The following GRID2 variants were observed in gnomAD, a reference collection of about 807,000 sequenced individuals.
GRID2 encodes the protein glutamate receptor ionotropic, delta-2.
GRID2 carries 33 observed loss-of-function variants against 114.8 expected under a neutral mutation model. That is an observed-to-expected ratio of 0.29 (90% CI 0.22 to 0.38). The LOEUF (loss-of-function observed/expected upper bound fraction) is 0.38. GRID2 is among the 10% of genes least tolerant of loss of function. The probability of loss-of-function intolerance (pLI) is 1.00; values close to 1 mark genes in which losing one functional copy is unlikely to be tolerated. For missense variants in GRID2, 1,184 were observed against 1,257.7 expected (o/e 0.94, Z 0.89); for synonymous variants, 505 against 449.9 (o/e 1.12, Z -1.55).
intron 12 of GRID2, among the ~76,000 whole-genome samples, chr4:93,505,611 A>G (rs1728553916): frequency 6.7e-6 from 1 of 148,716 alleles, no homozygotes; most frequent in African/African-American, 2.4e-5. Flanking sequence ...TATATATTTT[A>G]TTAGATATCA....
chr4:92,918,120 G>A (rs369954473), intron 2 of GRID2, among the ~76,000 whole-genome samples: 18 of 152,136 alleles, frequency 1.2e-4, no homozygotes, highest in African/African-American at 3.1e-4. Flanking sequence ...GCAATTGTGA[G>A]TGGGAGTTCA....
chr4:92,861,517 T>C (rs971415478), intron 2 of GRID2, among the ~76,000 whole-genome samples: 1 of 152,076 alleles, frequency 6.6e-6, no homozygotes, highest in African/African-American at 2.4e-5. Flanking sequence ...AGGTTAACCA[T>C]AGCTGTCACA....
At chr4:92,716,308 G>A (rs1735548674) in intron 2 of GRID2, among the ~76,000 whole-genome samples, 1 of 152,162 alleles carries the variant, frequency 6.6e-6, no homozygotes, top group African/African-American at 2.4e-5. Context: ...TTTCCTCAGT[G>A]AAAAGAACAA....
intron 2 of GRID2, among the ~76,000 whole-genome samples, chr4:92,655,431 G>C (rs990133610): frequency 1.3e-5 from 2 of 151,616 alleles, no homozygotes; most frequent in Non-Finnish European, 2.9e-5. Flanking sequence ...AATAACTTTT[G>C]TGTTTTGACA....
intron 3 of GRID2, among the ~76,000 whole-genome samples, chr4:93,090,347 C>A (rs1253741443): frequency 6.6e-6 from 1 of 152,136 alleles, no homozygotes; most frequent in Non-Finnish European, 1.5e-5. Context: ...CTGCATAAAC[C>A]TTTCCACTTG....
intron 2 of GRID2, among the ~76,000 whole-genome samples, chr4:92,680,077 G>C (rs1348683931): frequency 6.6e-6 from 1 of 151,994 alleles, no homozygotes; most frequent in Non-Finnish European, 1.5e-5. Flanking sequence ...AATGATAAGA[G>C]GTCAGGAAGA....
At chr4:93,036,440 T>C (rs1429863755) in intron 2 of GRID2, among the ~76,000 whole-genome samples, 1 of 152,118 alleles carries the variant, frequency 6.6e-6, no homozygotes, top group Non-Finnish European at 1.5e-5. Context: ...TAAACAAACT[T>C]AATCAGTTTA....
intron 2 of GRID2, among the ~76,000 whole-genome samples, chr4:92,838,194 T>C (rs2149406419): frequency 6.6e-6 from 1 of 152,102 alleles, no homozygotes; most frequent in East Asian, 1.9e-4. Context: ...CATTTATTTT[T>C]CTGTTAGATA....
chr4:93,177,264 T>C (rs6532387), intron 4 of GRID2, among the ~76,000 whole-genome samples: 23,351 of 152,014 alleles, frequency 0.15, 2,907 homozygotes, highest in African/African-American at 0.33. Flanking sequence ...AAAAAATATA[T>C]AGATTGAAGT....
rs1728639405 is a variant in GRID2, at chr4:92,590,149, C to T, written c.107C>T (p.Ser36Phe). The T allele has an allele frequency of 2.5e-6, 4 of 1,610,918 alleles. No individual in the cohort carries two copies. In the East Asian group the frequency reaches 8.9e-5, roughly 36 times the overall value. Residue 36 changes from serine to phenylalanine, a missense_variant, in exon 2 of 16, where the codon TCT becomes TTT. This residue lies in a region of GRID2 where 455 missense variants were observed against 429.5 expected (regional missense o/e 1.06). Coordinates refer to ENST00000282020, the MANE Select transcript of GRID2 (RefSeq NM_001510.4). Reference sequence around the variant, plus strand: ...TTTCTAGGAGCAATTTTTGATGAATCTGCCAAAAAGGATGATGAGGTATTT... The same window carrying T: ...TTTCTAGGAGCAATTTTTGATGAATTTGCCAAAAAGGATGATGAGGTATTT... Reference protein sequence around the residue: ...IIHIGAIFDESAKKDDEVFRT... With the variant: ...IIHIGAIFDEFAKKDDEVFRT...
chr4:93,506,802 T>G (rs1371570758), intron 12 of GRID2, among the ~76,000 whole-genome samples: 1 of 152,112 alleles, frequency 6.6e-6, no homozygotes, highest in Non-Finnish European at 1.5e-5. Flanking sequence ...CCTGGTATCA[T>G]TCTACCGTGC....
chr4:92,334,765 A>G (rs1357527008), intron 1 of GRID2, among the ~76,000 whole-genome samples: 2 of 152,202 alleles, frequency 1.3e-5, no homozygotes, highest in African/African-American at 2.4e-5. Flanking sequence ...CATTCAAATC[A>G]TAACAGTACT....
intron 1 of GRID2, among the ~76,000 whole-genome samples, chr4:92,567,217 G>A (rs982072750): frequency 1.3e-5 from 2 of 151,884 alleles, no homozygotes; most frequent in Non-Finnish European, 2.9e-5. Context: ...TTCTAATGGT[G>A]TCATTTCTTC....
intron 1 of GRID2, among the ~76,000 whole-genome samples, chr4:92,510,497 A>C (rs1056946082): frequency 6.6e-6 from 1 of 151,840 alleles, no homozygotes; most frequent in African/African-American, 2.4e-5. Flanking sequence ...AAGTCGAAAG[A>C]CTGGGTATAG....
chr4:93,773,622 T>A lies in GRID2; in HGVS notation c.*1124T>A, dbSNP rs1406938703. 1 of 151,954 alleles carries A rather than the reference T, an allele frequency of 6.6e-6. No homozygotes were observed. 9.4% of individuals were successfully genotyped at this position (151,954 alleles called of 1,614,324 possible). ...AACAGCACATAGAGCTCTAGAAGAG[T>A]TGAAACATAGATCATTGAAGGTTAA... On this transcript the variant is annotated 3_prime_UTR_variant, in exon 16 of 16. Transcript: ENST00000282020.
intron 2 of GRID2, among the ~76,000 whole-genome samples, chr4:92,671,256 TACTC>T (rs34682999): frequency 0.27 from 40,865 of 151,492 alleles, 5,481 homozygotes; most frequent in Middle Eastern, 0.32. Context: ...CATGAAAACT[TACTC>T]ACTATCATGA....
chr4:93,095,689 T>C (rs1002049621), intron 3 of GRID2, among the ~76,000 whole-genome samples: 1 of 151,868 alleles, frequency 6.6e-6, no homozygotes. Context: ...CAGAAATAAA[T>C]CTGCAAAATT....
intron 8 of GRID2, among the ~76,000 whole-genome samples, chr4:93,304,076 A>T (rs1755156797): frequency 6.6e-6 from 1 of 151,514 alleles, no homozygotes; most frequent in Admixed American, 6.6e-5. Flanking sequence ...TTTAAAGGAA[A>T]TTTTTAAAAA....
In GRID2 at chr4:93,416,035, CCT is replaced by C. The variant is rs1413413991; in HGVS notation, c.1348-6733_1348-6732del. On this transcript the variant is annotated intron_variant, in intron 9 of 15. Transcript: ENST00000282020. ...TCCTTCATAAAATCTTCCTGCAATC[CCT>C]CTTTTTAAAAATGTTTTCATTGCAT... Among the ~76,000 whole-genome samples, 3 of 151,666 alleles carry C rather than the reference CCT, an allele frequency of 2.0e-5. No individual in the cohort carries two copies. In the South Asian group the frequency reaches 6.2e-4, roughly 32 times the overall value.
Sources: allele counts gnomAD v4.1 joint callset (sites outside exome capture counted in the v4.1 genomes callset), GRCh38; gene constraint gnomAD v4.1.1; regional missense constraint gnomAD v4.1.1; transcripts MANE v1.5; gene names NCBI Gene and HGNC (gene_info 2026-07-23, HGNC 2026-07-21).